PCDHA4: variants seen among roughly 807,000 people sequenced by gnomAD.
The protein encoded by PCDHA4 is protocadherin alpha 4.
PCDHA4 carries 49 observed loss-of-function variants against 61.4 expected under a neutral mutation model. That is an observed-to-expected ratio of 0.80 (90% CI 0.63 to 1.01). The LOEUF (loss-of-function observed/expected upper bound fraction) is 1.01, where lower values mean the gene tolerates loss of function less well. Ranked by LOEUF, PCDHA4 falls within the 50% of genes least tolerant of loss-of-function variation. The pLI is 0.00. For synonymous variants in PCDHA4, 590 were observed against 550.3 expected (o/e 1.07, Z -1.01); for missense variants, 1,254 against 1,235.8 (o/e 1.01, Z -0.22).
intron 1 of PCDHA4, among the ~76,000 whole-genome samples, chr5:140,831,711 T>C (rs1771678683): frequency 6.6e-6 from 1 of 152,072 alleles, no homozygotes; most frequent in East Asian, 1.9e-4. Context: ...TGATTAAGTG[T>C]GAGTTTTGGT....
chr5:140,842,004 T>C, intron 1 of PCDHA4: 11 of 1,613,808 alleles, frequency 6.8e-6, no homozygotes, highest in Non-Finnish European at 8.5e-6. Flanking sequence ...ACTGTTCAGC[T>C]GCTGGTCACA....
At chr5:140,935,203 A>G (rs1403808889) in intron 1 of PCDHA4, among the ~76,000 whole-genome samples, 1 of 152,160 alleles carries the variant, frequency 6.6e-6, no homozygotes, top group Non-Finnish European at 1.5e-5. Flanking sequence ...GTTTCTAGGT[A>G]TCTTCAGCTA....
chr5:140,882,990 A>C, intron 1 of PCDHA4: 1 of 1,614,130 alleles, frequency 6.2e-7, no homozygotes, highest in East Asian at 2.2e-5. Context: ...AACGCCCCGG[A>C]ATTTTACCAA....
At position 140,829,344 on chromosome 5, in the gene PCDHA4, T is replaced by A. The variant is rs2150166277; in HGVS notation, c.2385+19772T>A. 3.7e-6 allele frequency: 6 copies of A among 1,614,240 alleles called. No homozygotes were observed. The Middle Eastern group carries it at 8.3e-4, about 222-fold the overall frequency. On this transcript the variant is annotated intron_variant, in intron 1 of 3. Coordinates refer to ENST00000530339, the MANE Select transcript of PCDHA4 (RefSeq NM_018907.4). ...GACAGTGCCCTGGACCGCGAGAGCG[T>A]GTCGGCCTATGAGTTGGTGGTAACC...
rs2153592349 is a variant in PCDHA4 at position 140,927,874 on chromosome 5, G to A, written c.2386-51075G>A. 1.9e-6 allele frequency: 3 copies of A among 1,614,102 alleles called. No individual in the cohort carries two copies. The East Asian group carries it at 6.7e-5, about 36-fold the overall frequency. Reference sequence around the variant, plus strand: ...TTTAGCTAGCACCGCTAAACTGCTGGTGGAGGTGACTGACGTGAACGATCA... The same window carrying A: ...TTTAGCTAGCACCGCTAAACTGCTGATGGAGGTGACTGACGTGAACGATCA... On this transcript the variant is annotated intron_variant, in intron 1 of 3. Coordinates refer to ENST00000530339, the MANE Select transcript of PCDHA4 (RefSeq NM_018907.4).
At chr5:140,883,573 G>C in intron 1 of PCDHA4, 7 of 1,614,076 alleles carry the variant, frequency 4.3e-6, no homozygotes, top group Non-Finnish European at 5.9e-6. Flanking sequence ...CGCCTTCGCT[G>C]TGGGCCACGG....
At chr5:140,884,071 G>C (rs1425122045) in intron 1 of PCDHA4, 7 of 1,613,400 alleles carry the variant, frequency 4.3e-6, no homozygotes, top group African/African-American at 2.7e-5. Context: ...ACGCCGATTC[G>C]GGCTACAATG....
rs532145972 is a variant in PCDHA4 at position 140,957,602 on chromosome 5, C to T, written c.2386-21347C>T. On this transcript the variant is annotated intron_variant, in intron 1 of 3. Transcript: ENST00000530339. Reference sequence around the variant, plus strand: ...TTAACAAAGCACTTCCCAGAATAAACACACAGACATATACATGCACACACT... The same window carrying T: ...TTAACAAAGCACTTCCCAGAATAAATACACAGACATATACATGCACACACT... 3.3e-5 allele frequency among the ~76,000 whole-genome samples: 5 copies of T among 152,174 alleles called. No homozygotes were observed. In the East Asian group the frequency reaches 9.6e-4, roughly 29 times the overall value.
At chr5:140,941,211 C>CTT (rs59928198) in intron 1 of PCDHA4, among the ~76,000 whole-genome samples, 19 of 129,722 alleles carry the variant, frequency 1.5e-4, no homozygotes, top group African/African-American at 5.2e-4. Flanking sequence ...TCCTTTCTTT[C>CTT]TTCCTTTCTT....
intron 1 of PCDHA4, among the ~76,000 whole-genome samples, chr5:140,932,733 C>A (rs2088585680): frequency 1.3e-5 from 2 of 151,034 alleles, no homozygotes; most frequent in Admixed American, 6.6e-5. Context: ...TAATATAGAC[C>A]CTCAAATCAG....
In PCDHA4 at chr5:140,913,731, A is replaced by G. The variant is rs557158674; in HGVS notation, c.2386-65218A>G. ...CAATTACAGCTACAAATTTCCCTCT[A>G]ATAGTACTCCTTTTGTTGTATCTCA... On this transcript the variant is annotated intron_variant, in intron 1 of 3. Transcript: ENST00000530339. Among the ~76,000 whole-genome samples the G allele has an allele frequency of 1.8e-4, 27 of 152,194 alleles. No homozygotes were observed. The South Asian group carries it at 2.5e-3, about 14-fold the overall frequency.
chr5:140,917,874 C>T (rs1240832097), intron 1 of PCDHA4, among the ~76,000 whole-genome samples: 2 of 151,008 alleles, frequency 1.3e-5, no homozygotes, highest in African/African-American at 4.9e-5. Context: ...ACTATTTGGG[C>T]TCTTTTTTTT....
chr5:140,833,326 A>G (rs1772407379), intron 1 of PCDHA4, among the ~76,000 whole-genome samples: 1 of 152,216 alleles, frequency 6.6e-6, no homozygotes, highest in Non-Finnish European at 1.5e-5. Flanking sequence ...GCCATTGGGA[A>G]CATTGGAGTG....
At chr5:140,955,648 A>G (rs1554222007) in intron 1 of PCDHA4, among the ~76,000 whole-genome samples, 1 of 152,138 alleles carries the variant, frequency 6.6e-6, no homozygotes, top group East Asian at 1.9e-4. Flanking sequence ...ACAAATTAAT[A>G]CACATATGAA....
At chr5:140,828,426 G>T (rs2150155253) in intron 1 of PCDHA4, 65 of 1,614,170 alleles carry the variant, frequency 4.0e-5, no homozygotes, top group Non-Finnish European at 5.4e-5. Flanking sequence ...ATCGTGGACA[G>T]GCCGCTGCAG....
rs377328620 is a variant in PCDHA4 at position 140,928,577 on chromosome 5, A to G, written c.2386-50372A>G. On this transcript the variant is annotated intron_variant, in intron 1 of 3. Coordinates refer to ENST00000530339, the MANE Select transcript of PCDHA4 (RefSeq NM_018907.4). ...GTTATCTTGTTTCCCTTGCCCAGAA[A>G]TGGTTCTGTCCCAGTGGAAATTGTG... is the stretch of plus-strand genomic sequence containing the variant. The G allele has an allele frequency of 3.7e-6, 6 of 1,614,070 alleles. No homozygotes were observed. The African/African-American group carries it at 6.7e-5, about 18-fold the overall frequency.
chr5:140,826,608 G>A (rs1447387034), intron 1 of PCDHA4, among the ~76,000 whole-genome samples: 2 of 152,100 alleles, frequency 1.3e-5, no homozygotes, highest in African/African-American at 4.8e-5. Context: ...TAAATTAAGG[G>A]CGAAGTTGAT....
At chr5:140,823,190 A>G in intron 1 of PCDHA4, 2 of 1,613,854 alleles carry the variant, frequency 1.2e-6, no homozygotes, top group South Asian at 1.1e-5. Flanking sequence ...CCAGGCTGCC[A>G]CATCTTCACG....
chr5:140,906,193 AAGTTGACACTC>A (rs1337204998), intron 1 of PCDHA4, among the ~76,000 whole-genome samples: 4 of 152,140 alleles, frequency 2.6e-5, no homozygotes, highest in African/African-American at 9.7e-5. Context: ...CAATCCAATC[AAGTTGACACTC>A]AGTATTAACC....
Sources: allele counts gnomAD v4.1 joint callset (sites outside exome capture counted in the v4.1 genomes callset), GRCh38; gene constraint gnomAD v4.1.1; transcripts MANE v1.5; gene names NCBI Gene and HGNC (gene_info 2026-07-23, HGNC 2026-07-21).